Variants in IL23R observed in about 807,000 individuals in gnomAD.
IL23R encodes the protein interleukin-23 receptor.
A neutral mutation model predicts 56.9 loss-of-function variants in IL23R; 34 were observed. The observed-to-expected ratio is 0.60, with a 90% CI of 0.45 to 0.80. The LOEUF is 0.80. IL23R is among the 30% of genes least tolerant of loss of function. IL23R has a pLI of 0.00. For missense variants in IL23R, 635 were observed against 730.0 expected (o/e 0.87, Z 1.50); for synonymous variants, 230 against 249.2 (o/e 0.92, Z 0.73).
downstream of IL23R, among the ~76,000 whole-genome samples, chr1:67,261,077 T>A (rs149863015): frequency 1.5e-5 from 2 of 137,728 alleles, no homozygotes; most frequent in East Asian, 6.9e-4. Flanking sequence ...GGCTATTTTG[T>A]TTTACTTTTT....
At chr1:67,213,133 T>C (rs1649609253) in intron 6 of IL23R, among the ~76,000 whole-genome samples, 2 of 152,162 alleles carry the variant, frequency 1.3e-5, no homozygotes, top group Non-Finnish European at 2.9e-5. Flanking sequence ...ATGCTGAGAT[T>C]ACAGGTGCGA....
intron 9 of IL23R, among the ~76,000 whole-genome samples, chr1:67,253,042 C>T (rs780509957): frequency 1.2e-4 from 18 of 152,148 alleles, no homozygotes; most frequent in Non-Finnish European, 2.2e-4. Context: ...ACAGTTCATC[C>T]ACAGGGATTC....
chr1:67,157,287 A>T (rs1471965496), intron 1 of IL23R, among the ~76,000 whole-genome samples: 3 of 152,178 alleles, frequency 2.0e-5, no homozygotes, highest in Non-Finnish European at 4.4e-5. Context: ...ATGTTCCAAA[A>T]CAAATTATTC....
intron 10 of IL23R, among the ~76,000 whole-genome samples, chr1:67,257,576 G>A (rs964709146): frequency 3.3e-5 from 5 of 152,138 alleles, no homozygotes; most frequent in Non-Finnish European, 5.9e-5. Flanking sequence ...GTTTGCCCAG[G>A]AAGGCCAGCC....
intron 1 of IL23R, among the ~76,000 whole-genome samples, chr1:67,140,374 G>A (rs534412442): frequency 6.6e-6 from 1 of 152,026 alleles, no homozygotes; most frequent in South Asian, 2.1e-4. Flanking sequence ...AAATCACTAA[G>A]GACAAACACC....
At chr1:67,224,901 T>C (rs1467740203) in intron 7 of IL23R, among the ~76,000 whole-genome samples, 1 of 152,204 alleles carries the variant, frequency 6.6e-6, no homozygotes, top group African/African-American at 2.4e-5. Flanking sequence ...ATATGAATTG[T>C]TCTTTATTTA....
chr1:67,233,152 C>T lies in IL23R; in HGVS notation c.956-3561C>T, dbSNP rs950017211. Among the ~76,000 whole-genome samples the T allele has an allele frequency of 3.7e-4, 49 of 133,456 alleles. 1 individual carries two copies. 87.6% of individuals were successfully genotyped at this position (133,456 alleles called of 152,430 possible). ...TCACCTGAGGTCAGGAGTTCGAGACCAGTCTGACCAATATGGTGAAATCCT... is the reference window on the plus strand; with the variant it reads ...TCACCTGAGGTCAGGAGTTCGAGACTAGTCTGACCAATATGGTGAAATCCT... On this transcript the variant is annotated intron_variant, in intron 7 of 10. Coordinates refer to ENST00000347310, the MANE Select transcript of IL23R (RefSeq NM_144701.3).
intron 1 of IL23R, among the ~76,000 whole-genome samples, chr1:67,154,551 G>A (rs979921798): frequency 2.6e-5 from 4 of 151,964 alleles, no homozygotes; most frequent in Non-Finnish European, 5.9e-5. Context: ...TTGGTTTAAA[G>A]TCTGTTTTAT....
chr1:67,151,750 C>T (rs1454592211), intron 1 of IL23R, among the ~76,000 whole-genome samples: 1 of 152,110 alleles, frequency 6.6e-6, no homozygotes, highest in African/African-American at 2.4e-5. Flanking sequence ...TGTCGAAGAT[C>T]AGATGGTTGT....
chr1:67,157,004 G>C (rs72927014), intron 1 of IL23R, among the ~76,000 whole-genome samples: 1 of 152,104 alleles, frequency 6.6e-6, no homozygotes, highest in Admixed American at 6.5e-5. Flanking sequence ...GTAGTACCCC[G>C]GGTAGGTAGC....
chr1:67,206,173 G>A (rs867162894), intron 5 of IL23R, among the ~76,000 whole-genome samples: 10 of 150,632 alleles, frequency 6.6e-5, no homozygotes, highest in African/African-American at 2.0e-4. Flanking sequence ...CCACCACGCC[G>A]GGCTAATTTT....
Position 67,223,771 on chromosome 1 carries a change from C to T in IL23R, c.955+4041C>T, listed in dbSNP as rs184234462. On this transcript the variant is annotated intron_variant, in intron 7 of 10. Coordinates refer to ENST00000347310, the MANE Select transcript of IL23R (RefSeq NM_144701.3). ...TGATTTCATGGCTGCACGGCATTCTCGTTTATGTATGTACTATAATTTATT... is the reference window on the plus strand; with the variant it reads ...TGATTTCATGGCTGCACGGCATTCTTGTTTATGTATGTACTATAATTTATT... Among the ~76,000 whole-genome samples the T allele has an allele frequency of 4.6e-5, 7 of 152,110 alleles. No individual in the cohort carries two copies. In the East Asian group the frequency reaches 1.2e-3, roughly 25 times the overall value.
intron 6 of IL23R, among the ~76,000 whole-genome samples, chr1:67,210,219 T>G (rs1189545681): frequency 1.3e-5 from 2 of 152,154 alleles, no homozygotes; most frequent in Non-Finnish European, 2.9e-5. Context: ...TCTAGTGTCT[T>G]AAGAAAGGCA....
At chr1:67,159,815 C>T (rs1433819369) in intron 1 of IL23R, among the ~76,000 whole-genome samples, 1 of 152,098 alleles carries the variant, frequency 6.6e-6, no homozygotes, top group Non-Finnish European at 1.5e-5. Context: ...ATGTGATTTT[C>T]TGGATATGAC....
chr1:67,176,582 A>G (rs1647012203), intron 3 of IL23R, among the ~76,000 whole-genome samples: 1 of 152,176 alleles, frequency 6.6e-6, no homozygotes, highest in South Asian at 2.1e-4. Flanking sequence ...TAAGCAATCA[A>G]TGTTTATAAT....
At chr1:67,168,270 GT>G in intron 2 of IL23R, 80 bp downstream of exon 2, 1 of 1,051,938 alleles carries the variant, frequency 9.5e-7, no homozygotes, top group Non-Finnish European at 1.5e-6. Flanking sequence ...ATGGTTTTAT[GT>G]TAGAATCTCT....
At chr1:67,232,211 T>C (rs1470109474) in intron 7 of IL23R, among the ~76,000 whole-genome samples, 1 of 152,216 alleles carries the variant, frequency 6.6e-6, no homozygotes, top group African/African-American at 2.4e-5. Flanking sequence ...GTAATTAGCA[T>C]GTATTACTTG....
At chr1:67,146,214 G>T (rs1570753128) in intron 1 of IL23R, among the ~76,000 whole-genome samples, 1 of 152,142 alleles carries the variant, frequency 6.6e-6, no homozygotes, top group Non-Finnish European at 1.5e-5. Context: ...CCTACTGTGG[G>T]TTCATGTGAT....
chr1:67,195,345 T>C (rs1648062266), intron 4 of IL23R, among the ~76,000 whole-genome samples: 1 of 152,204 alleles, frequency 6.6e-6, no homozygotes, highest in Admixed American at 6.5e-5. Context: ...AGCCAGTATC[T>C]CTTAATTCAG....
Sources: allele counts gnomAD v4.1 joint callset (sites outside exome capture counted in the v4.1 genomes callset), GRCh38; gene constraint gnomAD v4.1.1; transcripts MANE v1.5; gene names NCBI Gene and HGNC (gene_info 2026-07-23, HGNC 2026-07-21).